Variants in ASH1L observed in about 807,000 individuals in gnomAD.
ASH1L encodes the protein histone-lysine N-methyltransferase ASH1L.
A neutral mutation model predicts 269.0 loss-of-function variants in ASH1L; 23 were observed. The ratio of observed to expected loss-of-function variants is 0.09; its 90% CI spans 0.06 to 0.12. The LOEUF (loss-of-function observed/expected upper bound fraction) is 0.12. Among genes scored for constraint, ASH1L ranks in the 10% least tolerant of loss-of-function variants. The probability of loss-of-function intolerance (pLI) is 1.00; values close to 1 mark genes in which losing one functional copy is unlikely to be tolerated. For synonymous variants in ASH1L, 1,187 were observed against 1,253.5 expected, an observed-to-expected ratio of 0.95 and a Z score of 1.12; for missense variants, 2,912 against 3,567.8, an observed-to-expected ratio of 0.82 and a Z score of 4.68.
chr1:155,353,160 T>C (rs1654078024), intron 16 of ASH1L, among the ~76,000 whole-genome samples: 1 of 152,186 alleles, frequency 6.6e-6, no homozygotes. Context: ...TGCTTATTAG[T>C]TGTGTGATCT....
rs763219478 is a variant in ASH1L, at chr1:155,477,962, T to C, written c.4908A>G (p.Ala1636=). The change falls in exon 3 of 28, where the codon GCA becomes GCG. Residue 1636 remains alanine (A), a synonymous_variant. Coordinates refer to ENST00000392403, the MANE Select transcript of ASH1L (RefSeq NM_018489.3). Reference sequence around the variant, plus strand: ...GAAGCCGATTTAGTGAAGTGTCCTGTGCAGAAAAGAGTCCAGGGCTGTCAG... The same window carrying C: ...GAAGCCGATTTAGTGAAGTGTCCTGCGCAGAAAAGAGTCCAGGGCTGTCAG... ...KLTDSPGLFS[A]QDTSLNRLHR... 13 of 1,614,258 alleles carry C rather than the reference T, an allele frequency of 8.1e-6. No homozygotes were observed. In the Admixed American group the frequency reaches 2.2e-4, roughly 27 times the overall value.
chr1:155,559,501 C>T (rs1171661945), intron 1 of ASH1L, among the ~76,000 whole-genome samples: 1 of 147,920 alleles, frequency 6.8e-6, no homozygotes, highest in Non-Finnish European at 1.5e-5. Flanking sequence ...CGCCACTGCA[C>T]TCCAGCCTGT....
At chr1:155,539,757 G>C (rs1050812753) in intron 1 of ASH1L, among the ~76,000 whole-genome samples, 6 of 151,876 alleles carry the variant, frequency 4.0e-5, no homozygotes, top group East Asian at 2.0e-4. Flanking sequence ...TTTTCTCAAA[G>C]GCCCAGTGGC....
intron 17 of ASH1L, among the ~76,000 whole-genome samples, chr1:155,350,455 C>A (rs1653796522): frequency 6.6e-6 from 1 of 152,092 alleles, no homozygotes; most frequent in Non-Finnish European, 1.5e-5. Flanking sequence ...AAAGGTAGCA[C>A]AATGTTAGTT....
chr1:155,559,012 T>A (rs184836828), intron 1 of ASH1L, among the ~76,000 whole-genome samples: 31 of 151,812 alleles, frequency 2.0e-4, no homozygotes, highest in African/African-American at 7.0e-4. Context: ...CCTGGCTAAT[T>A]TTTGTACTTT....
At chr1:155,373,080 G>A (rs1368881954) in intron 10 of ASH1L, among the ~76,000 whole-genome samples, 1 of 151,922 alleles carries the variant, frequency 6.6e-6, no homozygotes, top group Non-Finnish European at 1.5e-5. Context: ...GGGCGTGGTG[G>A]TATGTGCCTA....
intron 1 of ASH1L, among the ~76,000 whole-genome samples, chr1:155,537,664 A>G (rs1305616652): frequency 6.6e-6 from 1 of 152,230 alleles, no homozygotes; most frequent in Non-Finnish European, 1.5e-5. Context: ...AACGAACTAT[A>G]AAATTCCTAA....
intron 1 of ASH1L, among the ~76,000 whole-genome samples, chr1:155,549,595 A>T (rs1671059456): frequency 6.6e-6 from 1 of 150,954 alleles, no homozygotes; most frequent in Non-Finnish European, 1.5e-5. Flanking sequence ...ATTGCACTCC[A>T]GCTTGGGTGA....
intron 1 of ASH1L, among the ~76,000 whole-genome samples, chr1:155,554,807 A>C (rs150598131): frequency 8.5e-5 from 13 of 152,322 alleles, no homozygotes; most frequent in Admixed American, 2.0e-4. Flanking sequence ...GGAGTGAGGA[A>C]TGAATGAATA....
At chr1:155,487,727 G>A (rs1666425908) in intron 2 of ASH1L, among the ~76,000 whole-genome samples, 1 of 151,842 alleles carries the variant, frequency 6.6e-6, no homozygotes, top group African/African-American at 2.4e-5. Flanking sequence ...ATATGGCTGA[G>A]TTCATGAAAA....
chr1:155,441,017 TGTCTTCTGTTA>T (rs1417236858), intron 4 of ASH1L, among the ~76,000 whole-genome samples: 2 of 152,322 alleles, frequency 1.3e-5, no homozygotes, highest in African/African-American at 4.8e-5. Context: ...CATAAAATTC[TGTCTTCTGTTA>T]GTTTAAACTC....
In ASH1L at chr1:155,347,869, A is replaced by C; in HGVS notation, c.7590T>G (p.Asp2530Glu). The change falls in exon 20 of 28, where the codon GAT becomes GAG. Residue 2530 changes from aspartate to glutamate, a missense_variant. By Grantham distance (45) the Asp-to-Glu change is conservative. Coordinates refer to ENST00000392403, the MANE Select transcript of ASH1L (RefSeq NM_018489.3). Reference protein sequence around the residue: ...YYGRKSPVGRDVCRLRKAYYN... With the variant: ...YYGRKSPVGREVCRLRKAYYN... ...AATAGGCCTTTCGTAGACGACAAAC[A>C]TCTCTCCCAACTGGGGATTTACGCC... 6.2e-7 allele frequency: 1 copy of C among 1,614,204 alleles called. No homozygotes were observed. The highest frequency in any genetic ancestry group is 8.5e-7 in the Non-Finnish European group (1 of 1,180,030).
chr1:155,461,831 C>T (rs1235282798), intron 3 of ASH1L, among the ~76,000 whole-genome samples: 2 of 139,022 alleles, frequency 1.4e-5, no homozygotes, highest in African/African-American at 5.3e-5. Flanking sequence ...GGGAGACGGA[C>T]TCTGTCTCCC....
At chr1:155,357,207 C>G in intron 15 of ASH1L, 109 bp downstream of exon 15, 1 of 601,780 alleles carries the variant, frequency 1.7e-6, no homozygotes, top group Non-Finnish European at 2.7e-6. Flanking sequence ...AACCCTTTGG[C>G]TTAAGACAAA....
rs150441801 is a variant in ASH1L, at chr1:155,545,140, C to T, written c.-100+17013G>A. The stretch of plus-strand genomic sequence containing the variant: ...TGAGCCGAGATCGCGCCATTGCACT[C>T]CAGCCTGGGCAAGAAGAGCAAAACT... On this transcript the variant is annotated intron_variant, in intron 1 of 27. Coordinates refer to ENST00000392403, the MANE Select transcript of ASH1L (RefSeq NM_018489.3). Among the ~76,000 whole-genome samples the T allele has an allele frequency of 7.3e-3, 898 of 122,224 alleles. 13 individuals are homozygous for T. Among genetic ancestry groups the T allele is most frequent in the African/African-American group, 0.027 (853 of 32,014 alleles). The allele number at this position is 122,224 out of a possible 152,430, so 80.2% of individuals were successfully genotyped here.
chr1:155,491,288 T>G (rs1666766412), intron 2 of ASH1L, among the ~76,000 whole-genome samples: 1 of 152,286 alleles, frequency 6.6e-6, no homozygotes, highest in Middle Eastern at 3.4e-3. Flanking sequence ...TTTTAAAAAT[T>G]TTTATTAAAA....
intron 6 of ASH1L, 133 bp from the exon 7 acceptor site, chr1:155,395,686 T>C: frequency 1.8e-6 from 1 of 550,762 alleles, no homozygotes; most frequent in Non-Finnish European, 3.0e-6. Context: ...AAATCTTTAC[T>C]TCTGAAACTG....
At chr1:155,502,092 A>G (rs1401730013) in intron 2 of ASH1L, among the ~76,000 whole-genome samples, 7 of 125,058 alleles carry the variant, frequency 5.6e-5, no homozygotes, top group African/African-American at 2.1e-4. Flanking sequence ...TTTTTTTGAG[A>G]CAGAGTCTCA....
intron 7 of ASH1L, among the ~76,000 whole-genome samples, chr1:155,395,115 T>C (rs1658242058): frequency 1.3e-5 from 2 of 152,122 alleles, no homozygotes; most frequent in Admixed American, 1.3e-4. Flanking sequence ...TTTCATATTT[T>C]TTGTAGAGAC....
Sources: gnomAD v4.1 joint callset for allele counts (sites outside exome capture counted in the v4.1 genomes callset) on GRCh38, gnomAD v4.1.1 for gene constraint, MANE v1.5 for transcripts, NCBI Gene and HGNC (gene_info 2026-07-23, HGNC 2026-07-21) for gene names.